The following RECQL5 variants were observed in gnomAD, a reference collection of about 807,000 sequenced individuals.
RECQL5 encodes ATP-dependent DNA helicase Q5.
A neutral mutation model predicts 103.4 loss-of-function variants in RECQL5; 88 were observed. The ratio of observed to expected loss-of-function variants is 0.85; its 90% CI spans 0.72 to 1.02. The LOEUF (loss-of-function observed/expected upper bound fraction) is 1.02. RECQL5 is among the 50% of genes least tolerant of loss of function. The pLI, the probability that RECQL5 is intolerant of heterozygous loss-of-function variation, is 0.00. For missense variants in RECQL5, 1,232 were observed against 1,284.3 expected (o/e 0.96, Z 0.62); for synonymous variants, 552 against 507.9 (o/e 1.09, Z -1.17).
intron 4 of RECQL5, 94 bp from the exon 5 acceptor site, chr17:75,661,802 C>CAT: frequency 2.5e-5 from 23 of 907,900 alleles, no homozygotes; most frequent in South Asian, 8.8e-5. Flanking sequence ...GCTCTGTGTT[C>CAT]CTTCTCTCGT....
intron 8 of RECQL5, chr17:75,650,958 G>T (rs1333691440): frequency 6.8e-7 from 1 of 1,464,472 alleles, no homozygotes; most frequent in Non-Finnish European, 9.0e-7. Flanking sequence ...TGGAGGGAAG[G>T]ACACCACTCA....
chr17:75,658,960 G>A (rs73995959), intron 6 of RECQL5, among the ~76,000 whole-genome samples: 6,875 of 152,246 alleles, frequency 0.045, 177 homozygotes, highest in Admixed American at 0.066. Context: ...CACAGTAAAG[G>A]GTCAGCAGAG....
chr17:75,666,538 G>GT lies in RECQL5; in HGVS notation c.19dup (p.Thr7AsnfsTer5). ...TCGCCGCTCAGGGTCAAAAGGAAAG[G>GT]TGGTATGGTGGCTGCTCATCTTAGC... On this transcript the variant is annotated frameshift_variant, in exon 2 of 20. Coordinates refer to ENST00000317905, the MANE Select transcript of RECQL5 (RefSeq NM_004259.7). LOFTEE classifies it high-confidence loss of function. 2 of 1,614,096 alleles carry GT rather than the reference G, an allele frequency of 1.2e-6. No homozygotes were observed. Among genetic ancestry groups the GT allele is most frequent in the Non-Finnish European group, 1.7e-6 (2 of 1,180,034 alleles).
intron 6 of RECQL5, 53 bp downstream of exon 6, chr17:75,660,902 T>C: frequency 7.4e-7 from 1 of 1,353,958 alleles, no homozygotes; most frequent in Non-Finnish European, 1.1e-6. Flanking sequence ...CACTAGGCAA[T>C]CCACCCTGAG....
At chr17:75,666,325 G>A in intron 2 of RECQL5, 103 bp downstream of exon 2, 1 of 1,341,232 alleles carries the variant, frequency 7.5e-7, no homozygotes. Context: ...TCCAGTTATG[G>A]ACCAAAGGTG....
At chr17:75,657,641 C>A (rs2059641310) in intron 7 of RECQL5, among the ~76,000 whole-genome samples, 2 of 150,458 alleles carry the variant, frequency 1.3e-5, no homozygotes, top group South Asian at 4.2e-4. Context: ...GTGGTCCCAG[C>A]TACTCAAGGT....
Position 75,640,298 on chromosome 17 carries a change from G to A in RECQL5, c.1230-8630C>T. Reference sequence around the variant, plus strand: ...GCCCCAGGCTGAGCCCGTGGAGATCGTGGCCTTCTCAGTCATCATCCTTTT... The same window carrying A: ...GCCCCAGGCTGAGCCCGTGGAGATCATGGCCTTCTCAGTCATCATCCTTTT... On this transcript the variant is annotated intron_variant, in intron 8 of 19. Coordinates refer to ENST00000317905, the MANE Select transcript of RECQL5 (RefSeq NM_004259.7). This position sits in a 1 kb window ranked among gnomAD's most constrained non-coding sequence, Gnocchi z 4.6. The A allele has an allele frequency of 2.6e-6, 4 of 1,550,230 alleles. No individual in the cohort carries two copies. The highest frequency in any genetic ancestry group is 2.4e-5 in the South Asian group (2 of 83,920).
In RECQL5 at chr17:75,627,670, C is replaced by T. The variant is rs200535477; in HGVS notation, c.2828G>A (p.Arg943His). ...CTGAGTCAGCAAGTGTGAGAGGTGGCGGGCAAAGCCTTTAAACAACTCCTG... is the reference window on the plus strand; with the variant it reads ...CTGAGTCAGCAAGTGTGAGAGGTGGTGGGCAAAGCCTTTAAACAACTCCTG... ...ASKELFKGFA[R>H]HLSHLLTQKT... Residue 943 changes from arginine (R) to histidine (H), a missense_variant, in exon 19 of 20, where the codon CGC becomes CAC. Coordinates refer to ENST00000317905, the MANE Select transcript of RECQL5 (RefSeq NM_004259.7). The T allele has an allele frequency of 4.2e-3, 6,730 of 1,609,356 alleles. 20 individuals are homozygous for T. Among genetic ancestry groups the T allele is most frequent in the Non-Finnish European group, 4.9e-3 (5,827 of 1,177,718 alleles).
chr17:75,644,431 C>A (rs1216033241), intron 8 of RECQL5, among the ~76,000 whole-genome samples: 2 of 152,006 alleles, frequency 1.3e-5, no homozygotes, highest in East Asian at 3.9e-4. Context: ...CATGGGGAGA[C>A]CCTGTCCCTA....
intron 8 of RECQL5, chr17:75,641,216 A>G (rs1269734776): frequency 3.3e-6 from 1 of 304,618 alleles, no homozygotes; most frequent in Non-Finnish European, 6.4e-6. Context: ...CCATACCTTG[A>G]TGGAGAACAG....
intron 8 of RECQL5, chr17:75,650,860 G>C: frequency 6.8e-7 from 1 of 1,466,950 alleles, no homozygotes; most frequent in Non-Finnish European, 9.0e-7. Flanking sequence ...GGTGGCACAT[G>C]ATGACCACAA....
intron 8 of RECQL5, 121 bp from the exon 9 acceptor site, chr17:75,631,789 C>T (rs1270121761): frequency 7.2e-6 from 7 of 968,296 alleles, no homozygotes; most frequent in African/African-American, 1.6e-5. Context: ...GCCGGGAGCC[C>T]CACACCCCTC....
Position 75,661,063 on chromosome 17 carries a change from A to G in RECQL5, c.878T>C (p.Leu293Pro), listed in dbSNP as rs1167184373. ...CACCAGCGTTCTTTCAGAGGCCTTC[A>G]GCCCTGTAAAGGAGGGGAAGATGGA... ...GVNAKAYHAG[L>P]KASERTLVQN... The change falls in exon 6 of 20, where the codon CTG (leucine) becomes CCG (proline). Residue 293 changes from leucine to proline, a missense_variant. Transcript: ENST00000317905. 1 of 1,612,596 alleles carries G rather than the reference A, an allele frequency of 6.2e-7. No individual in the cohort carries two copies. The highest frequency in any genetic ancestry group is 8.5e-7 in the Non-Finnish European group (1 of 1,178,574).
Position 75,640,856 on chromosome 17 carries a change from C to A in RECQL5, c.1230-9188G>T. The stretch of plus-strand genomic sequence containing the variant: ...CTGCACTCACTGCTGCTGCCCTGAG[C>A]GGAGAGGCAGGAAGGTCCAGGTGCA... On this transcript the variant is annotated intron_variant, in intron 8 of 19. Transcript: ENST00000317905. The surrounding 1 kb of genome is among the most constrained non-coding windows in gnomAD (Gnocchi z 4.6). The A allele has an allele frequency of 6.5e-7, 1 of 1,548,640 alleles. No individual in the cohort carries two copies. The highest frequency in any genetic ancestry group is 1.2e-5 in the South Asian group (1 of 84,062).
Position 75,640,831 on chromosome 17 carries a change from C to T in RECQL5, c.1230-9163G>A, listed in dbSNP as rs2059423162. On this transcript the variant is annotated intron_variant, in intron 8 of 19. Coordinates refer to ENST00000317905, the MANE Select transcript of RECQL5 (RefSeq NM_004259.7). The surrounding 1 kb of genome is among the most constrained non-coding windows in gnomAD (Gnocchi z 4.6). ...TGCTGCTGATAGCCTGCAGCTGCTGCTGCACTCACTGCTGCTGCCCTGAGC... is the reference window on the plus strand; with the variant it reads ...TGCTGCTGATAGCCTGCAGCTGCTGTTGCACTCACTGCTGCTGCCCTGAGC... 3 of 1,549,768 alleles carry T rather than the reference C, an allele frequency of 1.9e-6. No individual in the cohort carries two copies. Among genetic ancestry groups the T allele is most frequent in the Non-Finnish European group, 2.6e-6 (3 of 1,146,930 alleles).
intron 6 of RECQL5, among the ~76,000 whole-genome samples, chr17:75,660,053 G>GT (rs1599055202): frequency 6.6e-6 from 1 of 152,184 alleles, no homozygotes; most frequent in East Asian, 1.9e-4. Context: ...TACATATTGT[G>GT]TTTTGGTTTT....
Position 75,661,008 on chromosome 17 carries a change from A to C in RECQL5, c.933T>G (p.Pro311=). Residue 311 remains proline, a synonymous_variant, in exon 6 of 20, where the codon CCT becomes CCG. Transcript: ENST00000317905. Reference sequence around the variant, plus strand: ...CAAAACTAATGGTTGCAACAATTACAGGGACCTTCTCCTCCATCCAGTCGT... The same window carrying C: ...CAAAACTAATGGTTGCAACAATTACCGGGACCTTCTCCTCCATCCAGTCGT... ...VQNDWMEEKV[P]VIVATISFGM... 1.9e-6 allele frequency: 3 copies of C among 1,614,214 alleles called. No individual in the cohort carries two copies. Among genetic ancestry groups the C allele is most frequent in the Non-Finnish European group, 2.5e-6 (3 of 1,180,028 alleles).
chr17:75,640,704 C>G lies in RECQL5; in HGVS notation c.1230-9036G>C. 3.3e-6 allele frequency: 5 copies of G among 1,508,572 alleles called. No individual in the cohort carries two copies. Among genetic ancestry groups the G allele is most frequent in the Non-Finnish European group, 4.4e-6 (5 of 1,124,382 alleles). 93.4% of individuals were successfully genotyped at this position (1,508,572 alleles called of 1,614,324 possible). A position where few individuals can be genotyped will look rare whatever the true frequency, so the allele number is the denominator to read the frequency against. On this transcript the variant is annotated intron_variant, in intron 8 of 19. Coordinates refer to ENST00000317905, the MANE Select transcript of RECQL5 (RefSeq NM_004259.7). This position sits in a 1 kb window ranked among gnomAD's most constrained non-coding sequence, Gnocchi z 4.6. ...CCACCAAACCTGTGGGGGAAAGACCCTGGCAGGCAGTGGGTTTCTCTGGGA... is the reference window on the plus strand; with the variant it reads ...CCACCAAACCTGTGGGGGAAAGACCGTGGCAGGCAGTGGGTTTCTCTGGGA...
chr17:75,632,376 C>G (rs2059234815), intron 8 of RECQL5, among the ~76,000 whole-genome samples: 1 of 152,218 alleles, frequency 6.6e-6, no homozygotes. Context: ...TTTTCCTTCT[C>G]TTCCCTGGAA....
Sources: allele counts gnomAD v4.1 joint callset (sites outside exome capture counted in the v4.1 genomes callset), GRCh38; gene constraint gnomAD v4.1.1; non-coding constraint Gnocchi (gnomAD v3.1); transcripts MANE v1.5; gene names NCBI Gene and HGNC (gene_info 2026-07-23, HGNC 2026-07-21).